Variants in CNTNAP2 observed in about 807,000 individuals in gnomAD.
The protein encoded by CNTNAP2 is contactin-associated protein-like 2.
A neutral mutation model predicts 155.2 loss-of-function variants in CNTNAP2; 98 were observed. The ratio of observed to expected loss-of-function variants is 0.63; its 90% confidence interval spans 0.54 to 0.75. The LOEUF is 0.75. Ranked by LOEUF, CNTNAP2 falls within the 30% of genes least tolerant of loss-of-function variation. The pLI is 0.00. For missense variants in CNTNAP2, 1,727 were observed against 1,688.1 expected (o/e 1.02, Z -0.40); for synonymous variants, 651 against 631.2 (o/e 1.03, Z -0.47).
At chr7:147,269,520 T>G (rs1804691956) in intron 8 of CNTNAP2, among the ~76,000 whole-genome samples, 1 of 152,180 alleles carries the variant, frequency 6.6e-6, no homozygotes. Flanking sequence ...AATAGTGCTA[T>G]GAGAGACACA....
chr7:147,442,769 C>G (rs1032712692), intron 10 of CNTNAP2, among the ~76,000 whole-genome samples: 4 of 152,064 alleles, frequency 2.6e-5, no homozygotes, highest in East Asian at 1.9e-4. Flanking sequence ...GAAGGTTGCT[C>G]TCTGGCCCAG....
intron 22 of CNTNAP2, among the ~76,000 whole-genome samples, chr7:148,388,687 T>C (rs1310378426): frequency 6.6e-6 from 1 of 152,140 alleles, no homozygotes; most frequent in Non-Finnish European, 1.5e-5. Flanking sequence ...TCTTTGATGA[T>C]GGTGATGTAC....
chr7:146,579,116 T>C (rs1798569391), intron 1 of CNTNAP2, among the ~76,000 whole-genome samples: 1 of 152,160 alleles, frequency 6.6e-6, no homozygotes, highest in African/African-American at 2.4e-5. Flanking sequence ...CTAGATGATT[T>C]CATTACATAT....
In CNTNAP2 at chr7:147,133,931, G is replaced by A. The variant is rs538158777; in HGVS notation, c.1348+1422G>A. Among the ~76,000 whole-genome samples the A allele has an allele frequency of 2.6e-4, 40 of 151,974 alleles. 1 individual carries two copies. Among genetic ancestry groups the A allele is most frequent in the African/African-American group, 6.8e-4 (28 of 41,474 alleles). ...TCAACCATATTTTATCACTACATTC[G>A]TTTATAAGTATACCTAGGGAGGTTT... On this transcript the variant is annotated intron_variant, in intron 8 of 23. Transcript: ENST00000361727.
intron 3 of CNTNAP2, among the ~76,000 whole-genome samples, chr7:147,037,787 T>G (rs2129252677): frequency 6.6e-6 from 1 of 152,304 alleles, no homozygotes; most frequent in African/African-American, 2.4e-5. Context: ...AATAGATATA[T>G]ACATGTTAGA....
chr7:146,917,316 G>A (rs1796414195), intron 3 of CNTNAP2, among the ~76,000 whole-genome samples: 1 of 152,106 alleles, frequency 6.6e-6, no homozygotes, highest in Non-Finnish European at 1.5e-5. Context: ...GTAAATATCT[G>A]TTAAGTCCAT....
rs1239203913 is a variant in CNTNAP2, at chr7:147,387,460, G to GC, written c.1499-8143dup. Among the ~76,000 whole-genome samples the GC allele has an allele frequency of 4.6e-5, 7 of 152,016 alleles. No homozygotes were observed. In the South Asian group the frequency reaches 1.4e-3, roughly 31 times the overall value. ...TCTTCTCATTGAATCTCATCAGGTG[G>GC]CCCCCCAGTATCAATTGGTCCTGTT... On this transcript the variant is annotated intron_variant, in intron 9 of 23. Transcript: ENST00000361727.
At chr7:147,440,150 C>T (rs578146602) in intron 10 of CNTNAP2, among the ~76,000 whole-genome samples, 39 of 151,794 alleles carry the variant, frequency 2.6e-4, no homozygotes, top group African/African-American at 8.2e-4. Context: ...TCCTTGTTTC[C>T]TTCCTGTCTT....
chr7:147,040,091 A>T (rs567564515), intron 3 of CNTNAP2, among the ~76,000 whole-genome samples: 80 of 152,356 alleles, frequency 5.3e-4, no homozygotes, highest in Non-Finnish European at 9.4e-4. Context: ...TCGATAAGGA[A>T]CTTAAACAAA....
At chr7:147,302,241 C>A (rs892911952) in intron 9 of CNTNAP2, among the ~76,000 whole-genome samples, 1 of 152,202 alleles carries the variant, frequency 6.6e-6, no homozygotes, top group Non-Finnish European at 1.5e-5. Flanking sequence ...CTGATAATCT[C>A]TGCTGATCCC....
intron 13 of CNTNAP2, among the ~76,000 whole-genome samples, chr7:147,761,208 G>C (rs557282652): frequency 6.6e-6 from 1 of 152,134 alleles, no homozygotes; most frequent in Non-Finnish European, 1.5e-5. Flanking sequence ...TTGTCTCTTA[G>C]AATACACATT....
intron 1 of CNTNAP2, among the ~76,000 whole-genome samples, chr7:146,389,536 T>A (rs1795509083): frequency 1.3e-5 from 2 of 151,894 alleles, no homozygotes; most frequent in Non-Finnish European, 2.9e-5. Flanking sequence ...TTTTTAATTT[T>A]AAATTGTATA....
chr7:147,812,770 G>C (rs773945140), intron 13 of CNTNAP2, among the ~76,000 whole-genome samples: 4 of 152,108 alleles, frequency 2.6e-5, no homozygotes, highest in Non-Finnish European at 5.9e-5. Context: ...TTTCATCGGA[G>C]AATTTTGGCT....
intron 15 of CNTNAP2, among the ~76,000 whole-genome samples, chr7:148,028,887 G>C (rs572759053): frequency 6.6e-6 from 1 of 152,186 alleles, no homozygotes; most frequent in South Asian, 2.1e-4. Flanking sequence ...CCTATTCCTG[G>C]AACACAAGTC....
At chr7:146,724,201 A>AT (rs1801389175) in intron 1 of CNTNAP2, among the ~76,000 whole-genome samples, 2 of 152,112 alleles carry the variant, frequency 1.3e-5, no homozygotes, top group African/African-American at 4.8e-5. Flanking sequence ...GCTTATAACA[A>AT]TTTTCAGTCA....
At chr7:147,962,568 G>A (rs1275959144) in intron 14 of CNTNAP2, among the ~76,000 whole-genome samples, 1 of 152,158 alleles carries the variant, frequency 6.6e-6, no homozygotes, top group African/African-American at 2.4e-5. Flanking sequence ...ATTATGAGCT[G>A]TTTGTTGGAC....
intron 2 of CNTNAP2, among the ~76,000 whole-genome samples, chr7:146,812,341 G>A (rs762871984): frequency 6.6e-5 from 10 of 151,558 alleles, no homozygotes; most frequent in Non-Finnish European, 1.3e-4. Context: ...GAGACTGGAC[G>A]CATTTTGCCC....
intron 13 of CNTNAP2, among the ~76,000 whole-genome samples, chr7:147,865,442 A>C (rs1052769163): frequency 2.0e-5 from 3 of 152,188 alleles, no homozygotes; most frequent in African/African-American, 7.2e-5. Context: ...TTGGCCTCAT[A>C]AAGTGAGTTA....
intron 22 of CNTNAP2, among the ~76,000 whole-genome samples, chr7:148,396,157 C>T (rs1799463902): frequency 6.6e-6 from 1 of 152,196 alleles, no homozygotes; most frequent in African/African-American, 2.4e-5. Flanking sequence ...GGTGACTTCT[C>T]TGTTGATGGC....
Sources: allele counts gnomAD v4.1 joint callset (sites outside exome capture counted in the v4.1 genomes callset), GRCh38; gene constraint gnomAD v4.1.1; transcripts MANE v1.5; gene names NCBI Gene and HGNC (gene_info 2026-07-23, HGNC 2026-07-21).